The following CSMD1 variants were observed in gnomAD, a reference collection of about 807,000 sequenced individuals.
CSMD1 encodes the protein CUB and sushi domain-containing protein 1.
A neutral mutation model predicts 417.5 loss-of-function variants in CSMD1; 213 were observed. The observed-to-expected ratio is 0.51, with a 90% CI of 0.46 to 0.57. CSMD1 has a LOEUF of 0.57. Among genes scored for constraint, CSMD1 ranks in the 20% least tolerant of loss-of-function variants. The probability of loss-of-function intolerance (pLI) is 0.00; values close to 1 mark genes in which losing one functional copy is unlikely to be tolerated. For missense variants in CSMD1, 6,923 were observed against 4,529.7 expected (o/e 1.53, Z -15.17); for synonymous variants, 2,862 against 1,736.8 (o/e 1.65, Z -16.11).
At chr8:4,610,470 C>G (rs1801112148) in intron 2 of CSMD1, among the ~76,000 whole-genome samples, 2 of 152,134 alleles carry the variant, frequency 1.3e-5, no homozygotes, top group African/African-American at 4.8e-5. Flanking sequence ...GGGACAGGCT[C>G]CAGAACCCAA....
chr8:3,217,818 G>A (rs1797966341), intron 29 of CSMD1, among the ~76,000 whole-genome samples: 1 of 151,938 alleles, frequency 6.6e-6, no homozygotes, highest in African/African-American at 2.4e-5. Flanking sequence ...AAACAGTTCT[G>A]GTAATGAGGT....
chr8:3,467,025 T>C (rs1158107296), intron 12 of CSMD1, among the ~76,000 whole-genome samples: 2 of 152,204 alleles, frequency 1.3e-5, no homozygotes, highest in Admixed American at 6.5e-5. Context: ...CAAGGACTGA[T>C]GGCCATTCAC....
At chr8:3,968,928 G>A (rs1585050601) in intron 5 of CSMD1, among the ~76,000 whole-genome samples, 1 of 152,102 alleles carries the variant, frequency 6.6e-6, no homozygotes, top group Non-Finnish European at 1.5e-5. Flanking sequence ...AGTTTTCAAG[G>A]CATTGAAACC....
chr8:3,999,051 G>A (rs1400482135), intron 4 of CSMD1, among the ~76,000 whole-genome samples: 2 of 149,798 alleles, frequency 1.3e-5, no homozygotes, highest in South Asian at 4.2e-4. Flanking sequence ...ATATAGCTAT[G>A]TTATATATAT....
chr8:4,639,164 C>T (rs1803038734), intron 1 of CSMD1, among the ~76,000 whole-genome samples: 1 of 152,176 alleles, frequency 6.6e-6, no homozygotes, highest in East Asian at 1.9e-4. Context: ...TGATTCCCTA[C>T]TTGCCTGTTT....
At chr8:4,533,284 A>G (rs1796931578) in intron 2 of CSMD1, among the ~76,000 whole-genome samples, 1 of 152,196 alleles carries the variant, frequency 6.6e-6, no homozygotes. Context: ...CCCAAATATC[A>G]TGCTGAGGAA....
intron 3 of CSMD1, among the ~76,000 whole-genome samples, chr8:4,222,758 G>A (rs1372471491): frequency 1.3e-5 from 2 of 152,228 alleles, no homozygotes; most frequent in African/African-American, 4.8e-5. Flanking sequence ...CCAGATGGAG[G>A]TTATAGTTTA....
At chr8:4,233,244 G>C (rs554990133) in intron 3 of CSMD1, among the ~76,000 whole-genome samples, 296 of 152,220 alleles carry the variant, frequency 1.9e-3, no homozygotes, top group Middle Eastern at 0.01. Flanking sequence ...ACACTGTTGT[G>C]ACAGGGAAGA....
At chr8:3,819,518 A>T (rs1801595708) in intron 5 of CSMD1, among the ~76,000 whole-genome samples, 1 of 143,774 alleles carries the variant, frequency 7.0e-6, no homozygotes, top group Admixed American at 7.3e-5. Context: ...GGAGCTCAAA[A>T]GCGAAGGTGA....
intron 7 of CSMD1, among the ~76,000 whole-genome samples, chr8:3,680,974 G>C (rs1377208149): frequency 2.6e-5 from 4 of 152,112 alleles, no homozygotes; most frequent in Non-Finnish European, 5.9e-5. Flanking sequence ...AAAAGCCTTT[G>C]ACAAAATTCA....
At chr8:3,202,161 C>G (rs932825176) in intron 31 of CSMD1, among the ~76,000 whole-genome samples, 2 of 152,008 alleles carry the variant, frequency 1.3e-5, no homozygotes, top group Admixed American at 6.6e-5. Context: ...GAGTGAGACT[C>G]TGTCTCAAGA....
chr8:4,083,522 G>A (rs574348762), intron 3 of CSMD1, among the ~76,000 whole-genome samples: 2 of 152,226 alleles, frequency 1.3e-5, no homozygotes, highest in East Asian at 3.9e-4. Flanking sequence ...AACACAGCCT[G>A]CAGAAATAAT....
chr8:3,403,828 TAA>T (rs1332638868), intron 15 of CSMD1, among the ~76,000 whole-genome samples: 1 of 152,240 alleles, frequency 6.6e-6, no homozygotes, highest in Non-Finnish European at 1.5e-5. Context: ...TACTCATTTA[TAA>T]AAGATGAAAA....
At chr8:4,838,807 C>T (rs975045639) in intron 1 of CSMD1, among the ~76,000 whole-genome samples, 1 of 152,166 alleles carries the variant, frequency 6.6e-6, no homozygotes, top group Non-Finnish European at 1.5e-5. Flanking sequence ...GACACTGGCT[C>T]CCAAACCAAG....
chr8:4,223,678 T>C (rs1164573493), intron 3 of CSMD1, among the ~76,000 whole-genome samples: 1 of 152,168 alleles, frequency 6.6e-6, no homozygotes, highest in Non-Finnish European at 1.5e-5. Flanking sequence ...CTTGGAAAAA[T>C]CATTTGACTT....
At chr8:3,693,100 C>G (rs1208031958) in intron 7 of CSMD1, among the ~76,000 whole-genome samples, 4 of 152,128 alleles carry the variant, frequency 2.6e-5, no homozygotes, top group South Asian at 4.2e-4. Context: ...GAATACAAAT[C>G]AATACATAGA....
intron 2 of CSMD1, among the ~76,000 whole-genome samples, chr8:4,499,969 A>G (rs1435212792): frequency 2.6e-5 from 4 of 152,188 alleles, no homozygotes; most frequent in East Asian, 3.9e-4. Flanking sequence ...AAAAAAGCAG[A>G]TATCTATGAA....
At chr8:4,524,588 G>A (rs945915695) in intron 2 of CSMD1, among the ~76,000 whole-genome samples, 1 of 55,308 alleles carries the variant, frequency 1.8e-5, no homozygotes, top group Non-Finnish European at 3.9e-5. Flanking sequence ...TTTTTTTTTT[G>A]GTTTGGTTTG....
chr8:3,651,225 C>G (rs1383069883), intron 7 of CSMD1, among the ~76,000 whole-genome samples: 1 of 152,164 alleles, frequency 6.6e-6, no homozygotes, highest in South Asian at 2.1e-4. Context: ...CTTTAAACAC[C>G]TAAGACAGAT....
Sources: gnomAD v4.1 joint callset for allele counts (sites outside exome capture counted in the v4.1 genomes callset) on GRCh38, gnomAD v4.1.1 for gene constraint, MANE v1.5 for transcripts, NCBI Gene and HGNC (gene_info 2026-07-23, HGNC 2026-07-21) for gene names.